The following EYS variants were observed in gnomAD, a reference collection of about 807,000 sequenced individuals.
EYS encodes EGF-like photoreceptor maintenance factor, also known as protein eyes shut homolog.
In EYS, 250 loss-of-function variants were observed where a neutral mutation model predicts 282.1. The observed-to-expected ratio is 0.89, with a 90% CI of 0.80 to 0.98. EYS has a LOEUF of 0.98. Ranked by LOEUF, EYS falls within the 50% of genes least tolerant of loss-of-function variation. The pLI is 0.00. For synonymous variants in EYS, 1,355 were observed against 1,282.9 expected, an observed-to-expected ratio of 1.06 and a Z score of -1.20; for missense variants, 4,016 against 3,709.0, an observed-to-expected ratio of 1.08 and a Z score of -2.15.
chr6:63,865,797 G>A (rs1277725569), intron 35 of EYS, among the ~76,000 whole-genome samples: 1 of 151,984 alleles, frequency 6.6e-6, no homozygotes, highest in African/African-American at 2.4e-5. Flanking sequence ...GAAATATGAA[G>A]GTGTTTCCTT....
At chr6:63,752,034 C>T (rs957905573) in intron 41 of EYS, among the ~76,000 whole-genome samples, 2 of 152,128 alleles carry the variant, frequency 1.3e-5, no homozygotes, top group Non-Finnish European at 2.9e-5. Flanking sequence ...TGTTCTATTC[C>T]ATGTTTTGTG....
intron 41 of EYS, among the ~76,000 whole-genome samples, chr6:63,752,635 G>A (rs1184935302): frequency 6.6e-6 from 1 of 151,662 alleles, no homozygotes; most frequent in Non-Finnish European, 1.5e-5. Flanking sequence ...TGGGACTACA[G>A]GCACCCACCA....
rs886044616 is a variant in EYS, at chr6:64,439,360, G to A, written c.5645-8C>T. 2.0e-6 allele frequency: 3 copies of A among 1,475,244 alleles called. No homozygotes were observed. The highest frequency in any genetic ancestry group is 2.7e-5 in the East Asian group (1 of 37,408). 91.4% of individuals were successfully genotyped at this position (1,475,244 alleles called of 1,614,324 possible). Reference sequence around the variant, plus strand: ...AACGAACACAACTGAAATCTGTGGAGTCAGAAAGAAAATACAATTTAGGTT... The same window carrying A: ...AACGAACACAACTGAAATCTGTGGAATCAGAAAGAAAATACAATTTAGGTT... On this transcript the variant is annotated splice_region_variant and splice_polypyrimidine_tract_variant and intron_variant, in intron 26 of 42. Transcript: ENST00000503581.
chr6:64,357,109 G>T (rs73767537), intron 29 of EYS, among the ~76,000 whole-genome samples: 5,780 of 151,460 alleles, frequency 0.038, 357 homozygotes, highest in African/African-American at 0.13. Context: ...TTAATAAGTG[G>T]GTGACATTAA....
At chr6:65,424,750 T>C (rs994917013) in intron 5 of EYS, among the ~76,000 whole-genome samples, 6 of 151,978 alleles carry the variant, frequency 3.9e-5, no homozygotes, top group African/African-American at 1.4e-4. Context: ...CATGTACCGG[T>C]TAATGGATCT....
At chr6:65,491,273 A>G (rs961528922) in intron 4 of EYS, 13 of 123,686 alleles carry the variant, frequency 1.1e-4, no homozygotes, top group East Asian at 4.8e-4. Flanking sequence ...AGTTATATAC[A>G]CACACACACA....
At chr6:64,071,900 G>A (rs3013150) in intron 32 of EYS, among the ~76,000 whole-genome samples, 10,726 of 151,394 alleles carry the variant, frequency 0.071, 959 homozygotes, top group African/African-American at 0.21. Context: ...TTTTACTCTC[G>A]CACTGGACAA....
chr6:64,285,602 C>T (rs1463158882), intron 30 of EYS, among the ~76,000 whole-genome samples: 7 of 152,192 alleles, frequency 4.6e-5, no homozygotes, highest in South Asian at 2.1e-4. Context: ...GCACCCTACT[C>T]TACTGGTACC....
intron 41 of EYS, among the ~76,000 whole-genome samples, chr6:63,761,047 A>ATT (rs60604492): frequency 5.1e-4 from 70 of 138,270 alleles, no homozygotes; most frequent in Non-Finnish European, 7.3e-4. Context: ...TATTTAACCG[A>ATT]TTTTTTTTTT....
At chr6:64,063,870 C>T (rs1247906027) in intron 33 of EYS, among the ~76,000 whole-genome samples, 1 of 152,078 alleles carries the variant, frequency 6.6e-6, no homozygotes, top group Non-Finnish European at 1.5e-5. Context: ...GCTGGGATTA[C>T]AGGCACGTGC....
At chr6:64,565,488 A>G (rs925791888) in intron 26 of EYS, among the ~76,000 whole-genome samples, 2 of 152,168 alleles carry the variant, frequency 1.3e-5, no homozygotes, top group Non-Finnish European at 2.9e-5. Flanking sequence ...CTTGGAGGAC[A>G]TTATACAAAG....
intron 35 of EYS, among the ~76,000 whole-genome samples, chr6:63,940,521 G>T (rs951239763): frequency 9.9e-5 from 15 of 152,166 alleles, no homozygotes; most frequent in Non-Finnish European, 4.4e-5. Context: ...TAAAGCTGGA[G>T]AATTTAATGC....
intron 15 of EYS, among the ~76,000 whole-genome samples, chr6:64,919,324 C>T (rs1021831846): frequency 2.0e-5 from 3 of 151,960 alleles, no homozygotes; most frequent in South Asian, 2.1e-4. Flanking sequence ...GCCCTGCCAT[C>T]GCACCCGGCT....
At chr6:65,188,072 T>G (rs1035620124) in intron 12 of EYS, among the ~76,000 whole-genome samples, 1 of 151,608 alleles carries the variant, frequency 6.6e-6, no homozygotes, top group Non-Finnish European at 1.5e-5. Flanking sequence ...AAAATAACTG[T>G]TTTTACTATT....
At chr6:64,845,213 C>T (rs1205434343) in intron 19 of EYS, among the ~76,000 whole-genome samples, 1 of 151,918 alleles carries the variant, frequency 6.6e-6, no homozygotes, top group Non-Finnish European at 1.5e-5. Flanking sequence ...ATCATTTGAG[C>T]CTGGGAGGCA....
chr6:64,151,309 GTGTATATTTATA>G (rs1172614103), intron 31 of EYS, among the ~76,000 whole-genome samples: 2 of 89,756 alleles, frequency 2.2e-5, no homozygotes, highest in East Asian at 3.8e-4. Flanking sequence ...ACGTGTGTGT[GTGTATATTTATA>G]TATATATATA....
chr6:65,174,384 A>AATAC, intron 12 of EYS, among the ~76,000 whole-genome samples: 1 of 151,332 alleles, frequency 6.6e-6, no homozygotes, highest in South Asian at 2.1e-4. Context: ...ACAAATTTCA[A>AATAC]AAATATTTGT....
At chr6:64,592,429 T>G (rs1766441908) in intron 25 of EYS, among the ~76,000 whole-genome samples, 1 of 152,120 alleles carries the variant, frequency 6.6e-6, no homozygotes. Context: ...TCAATTTAAT[T>G]TTTTAAAAGA....
At chr6:64,834,047 A>T (rs1398712302) in intron 19 of EYS, among the ~76,000 whole-genome samples, 1 of 151,898 alleles carries the variant, frequency 6.6e-6, no homozygotes, top group Non-Finnish European at 1.5e-5. Context: ...GCACAGACAC[A>T]TTCTGACATA....
Sources: allele counts gnomAD v4.1 joint callset (sites outside exome capture counted in the v4.1 genomes callset), GRCh38; gene constraint gnomAD v4.1.1; transcripts MANE v1.5; gene names NCBI Gene and HGNC (gene_info 2026-07-23, HGNC 2026-07-21).